ANO4: variants seen among roughly 807,000 people sequenced by gnomAD.
ANO4 encodes the protein anoctamin 4.
A neutral mutation model predicts 141.9 loss-of-function variants in ANO4; 69 were observed. The ratio of observed to expected loss-of-function variants is 0.49; its 90% CI spans 0.40 to 0.59. The LOEUF (loss-of-function observed/expected upper bound fraction) is 0.59, where lower values mean the gene tolerates loss of function less well. Ranked by LOEUF, ANO4 falls within the 20% of genes least tolerant of loss-of-function variation. The pLI, the probability that ANO4 is intolerant of heterozygous loss-of-function variation, is 0.00. For missense variants in ANO4, 894 were observed against 1,162.2 expected, an observed-to-expected ratio of 0.77 and a Z score of 3.36; for synonymous variants, 350 against 394.3, an observed-to-expected ratio of 0.89 and a Z score of 1.33.
intron 26 of ANO4, among the ~76,000 whole-genome samples, chr12:101,121,753 CTTTTTT>C (rs71091478): frequency 6.6e-4 from 73 of 110,426 alleles, no homozygotes; most frequent in African/African-American, 2.7e-3. Flanking sequence ...AATTTGTTTA[CTTTTTT>C]TTTTTTTTTT....
chr12:100,796,246 A>G (rs1418655163), intron 1 of ANO4, among the ~76,000 whole-genome samples: 1 of 152,168 alleles, frequency 6.6e-6, no homozygotes, highest in Non-Finnish European at 1.5e-5. Context: ...CTGATTCATA[A>G]GGTACTGAAC....
intron 1 of ANO4, among the ~76,000 whole-genome samples, chr12:100,842,580 A>G (rs2037330120): frequency 6.6e-6 from 1 of 152,140 alleles, no homozygotes; most frequent in Non-Finnish European, 1.5e-5. Context: ...GCACTGCTAT[A>G]ACAAAATACC....
At chr12:100,964,450 C>G (rs1209692596) in intron 5 of ANO4, among the ~76,000 whole-genome samples, 1 of 150,062 alleles carries the variant, frequency 6.7e-6, no homozygotes, top group Non-Finnish European at 1.5e-5. Flanking sequence ...CATTACTATT[C>G]ATTTGCATTC....
At chr12:101,022,216 CTT>C (rs1259327982) in intron 9 of ANO4, among the ~76,000 whole-genome samples, 1 of 152,136 alleles carries the variant, frequency 6.6e-6, no homozygotes, top group Non-Finnish European at 1.5e-5. Flanking sequence ...TCTTTCTTAA[CTT>C]TGATGGATTT....
intron 9 of ANO4, among the ~76,000 whole-genome samples, chr12:101,027,415 G>A (rs998756323): frequency 4.2e-4 from 64 of 152,298 alleles, no homozygotes; most frequent in Non-Finnish European, 2.2e-4. Context: ...CCTTGGGGGA[G>A]GGGCAGCAGC....
intron 10 of ANO4, chr12:101,038,512 A>G (rs968012908): frequency 2.6e-5 from 4 of 152,188 alleles, no homozygotes; most frequent in African/African-American, 9.7e-5. Context: ...AAAGCCCTGT[A>G]TTCTATGAGA....
intron 1 of ANO4, among the ~76,000 whole-genome samples, chr12:100,719,227 C>T (rs143002936): frequency 1.4e-3 from 217 of 152,284 alleles, no homozygotes; most frequent in African/African-American, 4.9e-3. Flanking sequence ...ACACATTCTC[C>T]TCCTGCATCC....
chr12:101,065,622 G>T (rs560678295), intron 14 of ANO4, among the ~76,000 whole-genome samples: 5 of 152,204 alleles, frequency 3.3e-5, no homozygotes, highest in African/African-American at 4.8e-5. Context: ...ATACTGAAAA[G>T]TCTCTCAGTA....
At chr12:100,823,773 G>A (rs894115498) in intron 1 of ANO4, among the ~76,000 whole-genome samples, 1 of 151,944 alleles carries the variant, frequency 6.6e-6, no homozygotes, top group African/African-American at 2.4e-5. Flanking sequence ...CCTATGTCTT[G>A]TAGTTTGTGG....
intron 5 of ANO4, among the ~76,000 whole-genome samples, chr12:100,950,946 T>C (rs1203320955): frequency 6.6e-6 from 1 of 152,182 alleles, no homozygotes; most frequent in Non-Finnish European, 1.5e-5. Flanking sequence ...CAAGTACACA[T>C]TGGAATTTCT....
chr12:101,067,911 T>C (rs576445461), intron 14 of ANO4, among the ~76,000 whole-genome samples: 1 of 152,348 alleles, frequency 6.6e-6, no homozygotes, highest in South Asian at 2.1e-4. Context: ...TCCTTGATTA[T>C]CCTTTGGGAT....
intron 8 of ANO4, among the ~76,000 whole-genome samples, chr12:100,987,894 G>A (rs114664343): frequency 0.019 from 2,902 of 152,242 alleles, 97 homozygotes; most frequent in African/African-American, 0.067. Flanking sequence ...TACAATGCTT[G>A]CTCATGTGTG....
intron 7 of ANO4, among the ~76,000 whole-genome samples, chr12:100,980,162 T>G (rs979959549): frequency 6.6e-6 from 1 of 152,164 alleles, no homozygotes; most frequent in Non-Finnish European, 1.5e-5. Context: ...CATTGGAAGG[T>G]ACTGGAAGAC....
intron 1 of ANO4, among the ~76,000 whole-genome samples, chr12:100,864,468 A>G (rs1159397246): frequency 6.6e-6 from 1 of 152,120 alleles, no homozygotes; most frequent in Non-Finnish European, 1.5e-5. Context: ...AAGTGTTCCC[A>G]CTTGGTAAAT....
upstream of ANO4, among the ~76,000 whole-genome samples, chr12:100,794,345 A>G (rs1047247105): frequency 6.6e-6 from 1 of 152,188 alleles, no homozygotes; most frequent in African/African-American, 2.4e-5. Flanking sequence ...CTTCTTGCAG[A>G]GATGCTGTGG....
intron 2 of ANO4, among the ~76,000 whole-genome samples, chr12:100,910,210 A>G (rs1211202957): frequency 6.6e-6 from 1 of 152,176 alleles, no homozygotes; most frequent in Non-Finnish European, 1.5e-5. Context: ...TCAGTAATAA[A>G]TGGTTGATAA....
rs566979635 is a variant in ANO4, at chr12:100,825,241, C to T, written c.-141+30214C>T. 4.6e-5 allele frequency among the ~76,000 whole-genome samples: 7 copies of T among 152,062 alleles called. No homozygotes were observed. In the East Asian group the frequency reaches 1.4e-3, roughly 30 times the overall value. On this transcript the variant is annotated intron_variant, in intron 1 of 27. Coordinates refer to ENST00000392977, the MANE Select transcript of ANO4 (RefSeq NM_001286615.2). ...ATTAGTTTGACAATCTACTTGAAGT[C>T]AAACATTTAGGAAAACAAACAAATA...
chr12:100,839,505 TA>T (rs980946300), intron 1 of ANO4, among the ~76,000 whole-genome samples: 4 of 152,142 alleles, frequency 2.6e-5, no homozygotes, highest in Admixed American at 6.5e-5. Flanking sequence ...TTAATAAAGA[TA>T]AAAAAATTTT....
rs370626400 is a variant in ANO4 at position 101,020,016 on chromosome 12, T to C, written c.735-18T>C. ...CTCCGATTAATTCTCAACTTGTATT[T>C]TTAATATATGTATGCAGCTTCATCA... On this transcript the variant is annotated intron_variant, in intron 8 of 27. Coordinates refer to ENST00000392977, the MANE Select transcript of ANO4 (RefSeq NM_001286615.2). The C allele has an allele frequency of 1.0e-5, 16 of 1,586,088 alleles. No homozygotes were observed. The African/African-American group carries it at 2.2e-4, about 21-fold the overall frequency.
Sources: allele counts gnomAD v4.1 joint callset (sites outside exome capture counted in the v4.1 genomes callset), GRCh38; gene constraint gnomAD v4.1.1; transcripts MANE v1.5; gene names NCBI Gene and HGNC (gene_info 2026-07-23, HGNC 2026-07-21).